Variants in AUTS2 observed in about 807,000 individuals in gnomAD.
AUTS2 encodes activator of transcription and developmental regulator AUTS2.
Under a neutral mutation model 112.4 loss-of-function variants are expected in AUTS2, and 17 were observed. The observed-to-expected ratio is 0.15, with a 90% confidence interval of 0.10 to 0.23. The LOEUF (loss-of-function observed/expected upper bound fraction) is 0.23, where lower values mean the gene tolerates loss of function less well. Ranked by LOEUF, AUTS2 falls within the 10% of genes least tolerant of loss-of-function variation. AUTS2 has a pLI of 1.00. For missense variants in AUTS2, 1,510 were observed against 1,701.6 expected, an observed-to-expected ratio of 0.89 and a Z score of 1.98; for synonymous variants, 751 against 702.7, an observed-to-expected ratio of 1.07 and a Z score of -1.09.
intron 1 of AUTS2, among the ~76,000 whole-genome samples, chr7:69,700,986 C>T (rs1797779008): frequency 6.6e-6 from 1 of 152,122 alleles, no homozygotes; most frequent in South Asian, 2.1e-4. Flanking sequence ...CTGTAAGGGT[C>T]CACATAGCCT....
intron 1 of AUTS2, among the ~76,000 whole-genome samples, chr7:69,656,204 A>G (rs1795527686): frequency 6.6e-6 from 1 of 152,204 alleles, no homozygotes; most frequent in Non-Finnish European, 1.5e-5. Context: ...GGTGACCACA[A>G]CAGTGACATA....
chr7:70,308,474 A>G (rs1789585893), intron 4 of AUTS2, among the ~76,000 whole-genome samples: 1 of 152,196 alleles, frequency 6.6e-6, no homozygotes, highest in South Asian at 2.1e-4. Context: ...AGAAAGGTTT[A>G]TTTTAAAATT....
intron 2 of AUTS2, among the ~76,000 whole-genome samples, chr7:69,945,415 G>A (rs184851581): frequency 6.6e-6 from 1 of 152,218 alleles, no homozygotes; most frequent in East Asian, 1.9e-4. Flanking sequence ...TATTCATGTT[G>A]TAGCATGTAT....
At chr7:69,734,720 T>C (rs1238576622) in intron 1 of AUTS2, among the ~76,000 whole-genome samples, 2 of 152,244 alleles carry the variant, frequency 1.3e-5, no homozygotes, top group South Asian at 2.1e-4. Flanking sequence ...TTTCCTTTTC[T>C]TGTCTCCAGA....
chr7:70,764,944 A>G lies in AUTS2; in HGVS notation c.1407A>G (p.Pro469=). 6.3e-7 allele frequency: 1 copy of G among 1,586,076 alleles called. No homozygotes were observed. Among genetic ancestry groups the G allele is most frequent in the Non-Finnish European group, 8.5e-7 (1 of 1,171,338 alleles). ...CCCCTCCCACTGCTCTGCCTCCTCC[A>G]CCACCACTGACATCAGGAAGTCTGC... is the stretch of plus-strand genomic sequence containing the variant. The part of the protein sequence containing the change: ...MFAPPTALPP[P]PPLTSGSLQV... The change falls in exon 8 of 19, where the codon CCA becomes CCG. Residue 469 remains proline (P), a synonymous_variant. Transcript: ENST00000342771.
intron 4 of AUTS2, among the ~76,000 whole-genome samples, chr7:70,207,713 T>A (rs1810640212): frequency 6.6e-6 from 1 of 152,110 alleles, no homozygotes; most frequent in South Asian, 2.1e-4. Flanking sequence ...GAATATATGA[T>A]CTATTATTAC....
intron 5 of AUTS2, among the ~76,000 whole-genome samples, chr7:70,607,168 G>T (rs948268213): frequency 2.2e-4 from 33 of 152,186 alleles, no homozygotes; most frequent in African/African-American, 7.2e-4. Flanking sequence ...CTGCTGGGGG[G>T]CGAAGGTGGG....
At position 69,890,172 on chromosome 7, in the gene AUTS2, G is replaced by A. The variant is rs371953276; in HGVS notation, c.310-9114G>A. On this transcript the variant is annotated intron_variant, in intron 1 of 18. Coordinates refer to ENST00000342771, the MANE Select transcript of AUTS2 (RefSeq NM_015570.4). ...TGCCAGGGACTCAACTACTTTGAGCGTGTTAAGGTCTAACGGCAGCCAACT... is the reference window on the plus strand; with the variant it reads ...TGCCAGGGACTCAACTACTTTGAGCATGTTAAGGTCTAACGGCAGCCAACT... Among the ~76,000 whole-genome samples, 19 of 152,268 alleles carry A rather than the reference G, an allele frequency of 1.2e-4. No homozygotes were observed. In the East Asian group the frequency reaches 3.3e-3, roughly 26 times the overall value.
At chr7:70,722,071 A>G (rs1242903460) in intron 6 of AUTS2, among the ~76,000 whole-genome samples, 3 of 152,028 alleles carry the variant, frequency 2.0e-5, no homozygotes, top group African/African-American at 7.3e-5. Flanking sequence ...CCAGGATTCA[A>G]TGAAGACCAC....
At chr7:70,530,820 C>G (rs1294298772) in intron 5 of AUTS2, among the ~76,000 whole-genome samples, 2 of 152,170 alleles carry the variant, frequency 1.3e-5, no homozygotes, top group African/African-American at 4.8e-5. Flanking sequence ...CTACTGCTTC[C>G]TTCATCACCA....
chr7:70,171,868 C>T (rs921353449), intron 4 of AUTS2, among the ~76,000 whole-genome samples: 3 of 150,788 alleles, frequency 2.0e-5, no homozygotes, highest in African/African-American at 7.4e-5. Context: ...GAAATTGCTA[C>T]AGAATGTAGT....
Position 70,274,503 on chromosome 7 carries a change from A to G in AUTS2, c.660+139932A>G, listed in dbSNP as rs530402758. ...GAGACAGGGTTTTGCCATATTGCCC[A>G]GGCTGGTCTTGAACTGAGCTCAAGC... On this transcript the variant is annotated intron_variant, in intron 4 of 18. Transcript: ENST00000342771. 9.9e-5 allele frequency among the ~76,000 whole-genome samples: 15 copies of G among 152,188 alleles called. No homozygotes were observed. The East Asian group carries it at 2.9e-3, about 29-fold the overall frequency.
rs962818938 is a variant in AUTS2, at chr7:70,242,872, C to A, written c.660+108301C>A. Among the ~76,000 whole-genome samples, 6 of 152,112 alleles carry A rather than the reference C, an allele frequency of 3.9e-5. No homozygotes were observed. The East Asian group carries it at 1.2e-3, about 29-fold the overall frequency. ...CAAGAGAGGAAGAGGGGAGAAATGC[C>A]GTGCTTTTCTAGAGGAGCAAATATA... On this transcript the variant is annotated intron_variant, in intron 4 of 18. Coordinates refer to ENST00000342771, the MANE Select transcript of AUTS2 (RefSeq NM_015570.4).
intron 1 of AUTS2, among the ~76,000 whole-genome samples, chr7:69,853,557 T>C (rs1645411828): frequency 6.6e-6 from 1 of 152,168 alleles, no homozygotes; most frequent in Admixed American, 6.5e-5. Flanking sequence ...TTCATGCTTT[T>C]TTATTCATTC....
chr7:70,285,179 A>G (rs575576524), intron 4 of AUTS2, among the ~76,000 whole-genome samples: 1 of 152,308 alleles, frequency 6.6e-6, no homozygotes, highest in South Asian at 2.1e-4. Flanking sequence ...CATTTGAGTC[A>G]ACATGGGAAT....
chr7:69,629,820 T>TGAAG (rs34752240), intron 1 of AUTS2, among the ~76,000 whole-genome samples: 92,401 of 150,720 alleles, frequency 0.61, 28,602 homozygotes, highest in East Asian at 0.7. Context: ...ATTTATTTTG[T>TGAAG]GAAGGAAGGA....
At chr7:70,573,313 AG>A (rs1411988194) in intron 5 of AUTS2, among the ~76,000 whole-genome samples, 1 of 152,226 alleles carries the variant, frequency 6.6e-6, no homozygotes, top group African/African-American at 2.4e-5. Flanking sequence ...ATGCTGCCAA[AG>A]TTTACCTCGA....
At chr7:69,782,755 T>C (rs761713839) in intron 1 of AUTS2, among the ~76,000 whole-genome samples, 2 of 152,220 alleles carry the variant, frequency 1.3e-5, no homozygotes, top group Non-Finnish European at 2.9e-5. Flanking sequence ...CAATATGTTA[T>C]GTTACCTTGT....
chr7:69,914,613 G>T (rs950481438), intron 2 of AUTS2, among the ~76,000 whole-genome samples: 1 of 151,782 alleles, frequency 6.6e-6, no homozygotes, highest in African/African-American at 2.4e-5. Context: ...AGAATTGCTA[G>T]TGCAGCCAGG....
Sources: allele counts gnomAD v4.1 joint callset (sites outside exome capture counted in the v4.1 genomes callset), GRCh38; gene constraint gnomAD v4.1.1; transcripts MANE v1.5; gene names NCBI Gene and HGNC (gene_info 2026-07-23, HGNC 2026-07-21).